The following NEGR1 variants were observed in gnomAD, a reference collection of about 807,000 sequenced individuals.
The protein encoded by NEGR1 is IgLON family member 4.
In NEGR1, 10 loss-of-function variants were observed where a neutral mutation model predicts 40.9. The observed-to-expected ratio is 0.24, with a 90% CI of 0.15 to 0.42. The LOEUF is 0.42. NEGR1 is among the 10% of genes least tolerant of loss of function. NEGR1 has a pLI of 1.00. For missense variants in NEGR1, 352 were observed against 438.9 expected (o/e 0.80, Z 1.77); for synonymous variants, 185 against 166.8 (o/e 1.11, Z -0.84).
intron 2 of NEGR1, among the ~76,000 whole-genome samples, chr1:71,813,077 A>G (rs1359951072): frequency 6.6e-6 from 1 of 152,116 alleles, no homozygotes; most frequent in Non-Finnish European, 1.5e-5. Flanking sequence ...TTTATATTTA[A>G]GTCTTTAATC....
intron 1 of NEGR1, among the ~76,000 whole-genome samples, chr1:72,053,761 C>T (rs1412180586): frequency 6.6e-6 from 1 of 150,496 alleles, no homozygotes; most frequent in Non-Finnish European, 1.5e-5. Flanking sequence ...CCCTTTTTGC[C>T]CTTTAGAGAC....
At chr1:72,058,542 T>C (rs1219826942) in intron 1 of NEGR1, among the ~76,000 whole-genome samples, 2 of 151,692 alleles carry the variant, frequency 1.3e-5, no homozygotes, top group African/African-American at 4.8e-5. Flanking sequence ...GTTTTGGCTG[T>C]GTCTAGTTTG....
intron 1 of NEGR1, among the ~76,000 whole-genome samples, chr1:71,951,918 A>G (rs1177958022): frequency 2.0e-5 from 3 of 151,834 alleles, no homozygotes; most frequent in Admixed American, 2.0e-4. Context: ...TACCATTATA[A>G]TTTTTAGGGA....
intron 2 of NEGR1, among the ~76,000 whole-genome samples, chr1:71,812,923 G>T (rs1448058556): frequency 6.6e-6 from 1 of 151,912 alleles, no homozygotes; most frequent in Non-Finnish European, 1.5e-5. Flanking sequence ...CACTTGCTGA[G>T]CTCTTTAGTG....
intron 2 of NEGR1, among the ~76,000 whole-genome samples, chr1:71,830,595 T>C (rs1658804238): frequency 6.6e-6 from 1 of 151,886 alleles, no homozygotes; most frequent in South Asian, 2.1e-4. Flanking sequence ...ATACCAGATA[T>C]GTAAGTAAAG....
At chr1:71,559,835 TAA>T (rs35685892) in intron 6 of NEGR1, among the ~76,000 whole-genome samples, 85,780 of 148,320 alleles carry the variant, frequency 0.58, 25,050 homozygotes, top group Non-Finnish European at 0.65. Flanking sequence ...ATCATTCTGG[TAA>T]AAAAAAAAAA....
intron 6 of NEGR1, among the ~76,000 whole-genome samples, chr1:71,536,396 A>G (rs1046814708): frequency 8.6e-5 from 13 of 151,746 alleles, no homozygotes; most frequent in African/African-American, 3.1e-4. Flanking sequence ...TGTTGAAAAG[A>G]GCCGGGAATC....
At chr1:71,974,290 A>G (rs1361948019) in intron 1 of NEGR1, among the ~76,000 whole-genome samples, 1 of 152,196 alleles carries the variant, frequency 6.6e-6, no homozygotes, top group East Asian at 1.9e-4. Flanking sequence ...GTAATATTTC[A>G]GCCAAATCAG....
intron 3 of NEGR1, among the ~76,000 whole-genome samples, chr1:71,730,060 A>T (rs540015626): frequency 2.0e-3 from 309 of 152,188 alleles, no homozygotes; most frequent in Non-Finnish European, 3.6e-3. Flanking sequence ...GATCAGAAAG[A>T]TTAATTTGGT....
intron 5 of NEGR1, 45 bp downstream of exon 5, chr1:71,610,981 T>C: frequency 6.3e-7 from 1 of 1,586,348 alleles, no homozygotes; most frequent in East Asian, 2.3e-5. Context: ...ACAAGCACGT[T>C]AGCTCAAAGT....
chr1:72,247,170 G>A (rs1309054776), intron 1 of NEGR1, among the ~76,000 whole-genome samples: 1 of 152,158 alleles, frequency 6.6e-6, no homozygotes. Context: ...ATGCCTTTGA[G>A]GCCTTTCCCC....
At chr1:72,256,932 G>A (rs1655289122) in intron 1 of NEGR1, among the ~76,000 whole-genome samples, 1 of 146,670 alleles carries the variant, frequency 6.8e-6, no homozygotes, top group Admixed American at 6.6e-5. Context: ...ATGGTTAACA[G>A]AATAGTTTCT....
chr1:71,907,114 A>G (rs553107036), intron 2 of NEGR1, among the ~76,000 whole-genome samples: 1 of 152,292 alleles, frequency 6.6e-6, no homozygotes, highest in African/African-American at 2.4e-5. Flanking sequence ...GCAAAGAGTG[A>G]TTATCAATGT....
chr1:72,082,894 G>T (rs1359324480), intron 1 of NEGR1, among the ~76,000 whole-genome samples: 1 of 152,066 alleles, frequency 6.6e-6, no homozygotes, highest in Non-Finnish European at 1.5e-5. Context: ...AAATCAAGCT[G>T]CAATCTAAAA....
intron 2 of NEGR1, among the ~76,000 whole-genome samples, chr1:71,819,008 T>C (rs1658326993): frequency 6.6e-6 from 1 of 151,998 alleles, no homozygotes; most frequent in African/African-American, 2.4e-5. Flanking sequence ...GAAAGCTAGA[T>C]GTAGAAGCCA....
At chr1:72,199,867 G>A (rs142070348) in intron 1 of NEGR1, among the ~76,000 whole-genome samples, 284 of 151,808 alleles carry the variant, frequency 1.9e-3, no homozygotes, top group African/African-American at 6.4e-3. Context: ...ATGGGCAAAG[G>A]ACATGAACAG....
intron 3 of NEGR1, among the ~76,000 whole-genome samples, chr1:71,740,823 A>G (rs1434497106): frequency 6.6e-6 from 1 of 152,068 alleles, no homozygotes; most frequent in Non-Finnish European, 1.5e-5. Flanking sequence ...TTGCCTTCAT[A>G]AGTAAGGAAT....
chr1:72,158,991 C>T (rs1651459809), intron 1 of NEGR1, among the ~76,000 whole-genome samples: 1 of 151,998 alleles, frequency 6.6e-6, no homozygotes, highest in African/African-American at 2.4e-5. Flanking sequence ...TTCTTTGATC[C>T]TTGCGAGGCT....
intron 1 of NEGR1, among the ~76,000 whole-genome samples, chr1:71,965,608 T>G (rs1646203823): frequency 6.6e-6 from 1 of 152,282 alleles, no homozygotes; most frequent in Middle Eastern, 3.4e-3. Flanking sequence ...GAAAAACTGG[T>G]TTGCACCTCT....
Sources: gnomAD v4.1 joint callset for allele counts (sites outside exome capture counted in the v4.1 genomes callset) on GRCh38, gnomAD v4.1.1 for gene constraint, MANE v1.5 for transcripts, NCBI Gene and HGNC (gene_info 2026-07-23, HGNC 2026-07-21) for gene names.